Variants in HERC3 observed in about 807,000 individuals in gnomAD.
The protein encoded by HERC3 is probable E3 ubiquitin-protein ligase HERC3.
Under a neutral mutation model 129.9 loss-of-function variants are expected in HERC3, and 58 were observed. That is an observed-to-expected ratio of 0.45 (90% CI 0.36 to 0.56). HERC3 has a LOEUF of 0.56. HERC3 is among the 20% of genes least tolerant of loss of function. The pLI is 0.00. For missense variants in HERC3, 835 were observed against 1,244.2 expected, an observed-to-expected ratio of 0.67 and a Z score of 4.95; for synonymous variants, 430 against 451.0, an observed-to-expected ratio of 0.95 and a Z score of 0.59.
the HERC3 span, among the ~76,000 whole-genome samples, chr4:88,540,636 C>T: frequency 6.6e-6 from 1 of 152,082 alleles, no homozygotes; most frequent in Non-Finnish European, 1.5e-5. Context: ...CCCCAAGACA[C>T]ATAATTGTCA....
At chr4:88,572,857 C>G in the HERC3 span, among the ~76,000 whole-genome samples, 1 of 151,406 alleles carries the variant, frequency 6.6e-6, no homozygotes, top group African/African-American at 2.4e-5. Context: ...TTTCATGAAG[C>G]CTATAATTAA....
chr4:88,660,456 G>A (rs183862776), intron 10 of HERC3, among the ~76,000 whole-genome samples: 49 of 152,072 alleles, frequency 3.2e-4, no homozygotes, highest in East Asian at 2.9e-3. Flanking sequence ...TACCCTCCTC[G>A]GCCTCCCAAA....
At chr4:88,616,413 G>A (rs1724904478) in intron 3 of HERC3, among the ~76,000 whole-genome samples, 1 of 152,214 alleles carries the variant, frequency 6.6e-6, no homozygotes, top group South Asian at 2.1e-4. Flanking sequence ...GCTCCTGAAA[G>A]TCTTGTAGTG....
intron 3 of HERC3, among the ~76,000 whole-genome samples, chr4:88,634,802 G>T (rs967433382): frequency 6.6e-6 from 1 of 151,826 alleles, no homozygotes; most frequent in African/African-American, 2.4e-5. Context: ...GAAGGAGCAG[G>T]CACCCATCTC....
intron 3 of HERC3, among the ~76,000 whole-genome samples, chr4:88,631,878 G>A (rs970364966): frequency 6.6e-6 from 1 of 152,122 alleles, no homozygotes; most frequent in South Asian, 2.1e-4. Flanking sequence ...TCCTGTCTTC[G>A]ACTGTATGCA....
At chr4:88,618,469 C>T (rs1452922035) in intron 3 of HERC3, among the ~76,000 whole-genome samples, 2 of 152,220 alleles carry the variant, frequency 1.3e-5, no homozygotes, top group African/African-American at 2.4e-5. Flanking sequence ...CTCTACCCTT[C>T]TAATTTGTCA....
chr4:88,534,457 T>G, the HERC3 span, among the ~76,000 whole-genome samples: 1 of 151,876 alleles, frequency 6.6e-6, no homozygotes, highest in South Asian at 2.1e-4. Flanking sequence ...AATTACCCAG[T>G]GGCATCTTCT....
At chr4:88,635,556 G>A (rs1727285747) in intron 3 of HERC3, among the ~76,000 whole-genome samples, 1 of 152,074 alleles carries the variant, frequency 6.6e-6, no homozygotes, top group Admixed American at 6.6e-5. Flanking sequence ...CAGGGAGAAT[G>A]GAACCAAGTT....
the HERC3 span, among the ~76,000 whole-genome samples, chr4:88,571,293 G>C: frequency 3.3e-5 from 5 of 152,176 alleles, no homozygotes; most frequent in Non-Finnish European, 7.3e-5. Flanking sequence ...ATCATAACTA[G>C]TAAACAAGTC....
chr4:88,703,217 A>C (rs1735481585), intron 23 of HERC3, among the ~76,000 whole-genome samples: 1 of 152,150 alleles, frequency 6.6e-6, no homozygotes, highest in South Asian at 2.1e-4. Flanking sequence ...TCCCCAGACT[A>C]GCAGCCTCCA....
intron 25 of HERC3, among the ~76,000 whole-genome samples, chr4:88,704,815 A>C (rs1187325309): frequency 6.6e-6 from 1 of 151,928 alleles, no homozygotes; most frequent in Non-Finnish European, 1.5e-5. Flanking sequence ...GAGGGGTTGC[A>C]TGAAAGGAAG....
the HERC3 span, among the ~76,000 whole-genome samples, chr4:88,549,908 A>T: frequency 3.9e-5 from 6 of 152,194 alleles, no homozygotes; most frequent in Non-Finnish European, 8.8e-5. Context: ...GTGACCAATC[A>T]TATGGCTCAG....
At chr4:88,560,544 T>G in the HERC3 span, among the ~76,000 whole-genome samples, 1 of 152,202 alleles carries the variant, frequency 6.6e-6, no homozygotes, top group African/African-American at 2.4e-5. Flanking sequence ...CTTCTATTTC[T>G]TTTTCCTGAT....
chr4:88,612,155 T>C (rs1724403351), intron 3 of HERC3, among the ~76,000 whole-genome samples: 2 of 152,150 alleles, frequency 1.3e-5, no homozygotes, highest in African/African-American at 2.4e-5. Context: ...TTCTAAGGGT[T>C]TTGGAGATCC....
In HERC3 at chr4:88,655,799, A is replaced by T; in HGVS notation, c.909-76A>T. 14 of 1,442,674 alleles carry T rather than the reference A, an allele frequency of 9.7e-6. No homozygotes were observed. In the South Asian group the frequency reaches 1.8e-4, roughly 18 times the overall value. The allele number at this position is 1,442,674 out of a possible 1,614,324, so 89.4% of individuals were successfully genotyped here. On this transcript the variant is annotated intron_variant, in intron 8 of 25. Transcript: ENST00000402738. ...AGCACCCTGTGCTGTGCACATGTGGAAGTTAAAAGTCAGAGTCAGAGTGTA... is the reference window on the plus strand; with the variant it reads ...AGCACCCTGTGCTGTGCACATGTGGTAGTTAAAAGTCAGAGTCAGAGTGTA...
intron 3 of HERC3, among the ~76,000 whole-genome samples, chr4:88,617,402 A>T (rs1012818508): frequency 6.6e-6 from 1 of 152,184 alleles, no homozygotes; most frequent in Admixed American, 6.5e-5. Context: ...AACATTTTCC[A>T]CTTCAAATAG....
intron 3 of HERC3, among the ~76,000 whole-genome samples, chr4:88,644,562 A>G (rs566126674): frequency 6.6e-6 from 1 of 152,198 alleles, no homozygotes. Context: ...TCAAAACTAT[A>G]GTGAGAGAAA....
chr4:88,643,913 T>A (rs1728412150), intron 3 of HERC3, among the ~76,000 whole-genome samples: 2 of 152,154 alleles, frequency 1.3e-5, no homozygotes, highest in Admixed American at 1.3e-4. Context: ...ATGAGTGTGT[T>A]AAGAGAATGA....
intron 16 of HERC3, among the ~76,000 whole-genome samples, chr4:88,675,210 C>T (rs1465119912): frequency 6.6e-6 from 1 of 152,204 alleles, no homozygotes. Context: ...TTTTCTCCTT[C>T]AACTGCTGTT....
Sources: gnomAD v4.1 joint callset for allele counts (sites outside exome capture counted in the v4.1 genomes callset) on GRCh38, gnomAD v4.1.1 for gene constraint, MANE v1.5 for transcripts, NCBI Gene and HGNC (gene_info 2026-07-23, HGNC 2026-07-21) for gene names.